Variants in NEK9 observed in about 807,000 individuals in gnomAD.
The protein encoded by NEK9 is serine/threonine-protein kinase Nek9.
A neutral mutation model predicts 123.4 loss-of-function variants in NEK9; 75 were observed. The observed-to-expected ratio is 0.61, with a 90% CI of 0.50 to 0.74. The LOEUF (loss-of-function observed/expected upper bound fraction) is 0.74. Ranked by LOEUF, NEK9 falls within the 30% of genes least tolerant of loss-of-function variation. The pLI, the probability that NEK9 is intolerant of heterozygous loss-of-function variation, is 0.00. For missense variants in NEK9, 952 were observed against 1,214.4 expected (o/e 0.78, Z 3.21); for synonymous variants, 438 against 458.7 (o/e 0.95, Z 0.58).
chr14:75,109,358 G>A (rs1009146767), intron 10 of NEK9, among the ~76,000 whole-genome samples: 3 of 152,128 alleles, frequency 2.0e-5, no homozygotes, highest in African/African-American at 7.2e-5. Flanking sequence ...TGAACCTCAT[G>A]GTAATATAAC....
rs750852873 is a variant in NEK9 at position 75,107,500 on chromosome 14, G to A, written c.1183-13C>T. The A allele has an allele frequency of 1.1e-5, 18 of 1,569,402 alleles. No individual in the cohort carries two copies. The Middle Eastern group carries it at 1.0e-3, about 90-fold the overall frequency. On this transcript the variant is annotated splice_polypyrimidine_tract_variant and intron_variant, in intron 10 of 21. Coordinates refer to ENST00000238616, the MANE Select transcript of NEK9 (RefSeq NM_033116.6). Reference sequence around the variant, plus strand: ...CTCCTTGCATGTTCTGTGAAATAAAGAGGTCTTATGACTTTTTTTTTTAAT... The same window carrying A: ...CTCCTTGCATGTTCTGTGAAATAAAAAGGTCTTATGACTTTTTTTTTTAAT...
intron 2 of NEK9, among the ~76,000 whole-genome samples, chr14:75,122,136 G>C (rs1376841964): frequency 6.6e-6 from 1 of 152,122 alleles, no homozygotes; most frequent in East Asian, 1.9e-4. Context: ...TTACACTTTA[G>C]CCCTGGGTAA....
intron 14 of NEK9, among the ~76,000 whole-genome samples, chr14:75,103,086 T>C (rs1894644765): frequency 1.3e-5 from 2 of 152,062 alleles, no homozygotes; most frequent in South Asian, 4.1e-4. Flanking sequence ...GCGATATACC[T>C]AATGTAAATG....
At position 75,109,789 on chromosome 14, in the gene NEK9, G is replaced by T. The variant is rs760861870; in HGVS notation, c.1078C>A (p.Gln360Lys). 4.3e-6 allele frequency: 7 copies of T among 1,613,994 alleles called. No homozygotes were observed. Among genetic ancestry groups the T allele is most frequent in the Non-Finnish European group, 5.9e-6 (7 of 1,179,926 alleles). ...CCACTCTTGATAACATCCAGTTTCT[G>T]GGGGGTGGATTTTCCACCACCCCAA... ...YVWGGGKSTPQKLDVIKSGCS... is the reference protein window; with the variant it reads ...YVWGGGKSTPKKLDVIKSGCS... Residue 360 changes from glutamine (Q) to lysine (K), a missense_variant, in exon 10 of 22, where the codon CAG (glutamine) becomes AAG (lysine). By Grantham distance (53) the Gln-to-Lys change is moderately conservative. Coordinates refer to ENST00000238616, the MANE Select transcript of NEK9 (RefSeq NM_033116.6).
At chr14:75,086,235 A>C (rs1174278299) in intron 21 of NEK9, among the ~76,000 whole-genome samples, 4 of 151,522 alleles carry the variant, frequency 2.6e-5, no homozygotes, top group Non-Finnish European at 5.9e-5. Context: ...AAATAATTTA[A>C]AAAAGGTGAT....
intron 10 of NEK9, among the ~76,000 whole-genome samples, chr14:75,108,464 T>C (rs1404219402): frequency 6.6e-6 from 1 of 151,852 alleles, no homozygotes; most frequent in Non-Finnish European, 1.5e-5. Context: ...TTCTATTAAA[T>C]GAGTATACTA....
chr14:75,087,215 G>A lies in NEK9; in HGVS notation c.2620C>T (p.Pro874Ser). 6.2e-7 allele frequency: 1 copy of A among 1,610,956 alleles called. No homozygotes were observed. Among genetic ancestry groups the A allele is most frequent in the South Asian group, 1.1e-5 (1 of 91,024 alleles). Residue 874 changes from proline (P) to serine (S), a missense_variant, in exon 21 of 22, where the codon CCT becomes TCT. Pro to Ser is a moderately conservative substitution (Grantham distance 74). Transcript: ENST00000238616. ...QVEASSPRLN[P>S]AVTCAGKGTP... is the part of the protein sequence containing the mutation. ...CCCTTCCCAGCACAGGTTACTGCAG[G>A]ATTCAGCCGAGGTGACTAGAGAGAC...
intron 8 of NEK9, among the ~76,000 whole-genome samples, chr14:75,112,744 G>A (rs1478490909): frequency 1.3e-5 from 2 of 152,140 alleles, no homozygotes; most frequent in African/African-American, 4.8e-5. Context: ...ATCACTTGCA[G>A]CAGAAGTTCA....
In NEK9 at chr14:75,080,529, G is replaced by A. The variant is rs1293980271; in HGVS notation, c.*4035C>T. On this transcript the variant is annotated 3_prime_UTR_variant, in exon 22 of 22. Coordinates refer to ENST00000238616, the MANE Select transcript of NEK9 (RefSeq NM_033116.6). Reference sequence around the variant, plus strand: ...TTTATCCAAGAAATGTTTAGTGCAAGTAAACATTATAAAGTTCATAAGGTT... The same window carrying A: ...TTTATCCAAGAAATGTTTAGTGCAAATAAACATTATAAAGTTCATAAGGTT... The A allele has an allele frequency of 6.6e-6, 1 of 151,880 alleles. No homozygotes were observed. Among genetic ancestry groups the A allele is most frequent in the Non-Finnish European group, 1.5e-5 (1 of 68,018 alleles). The allele number at this position is 151,880 out of a possible 1,614,324, so 9.4% of individuals were successfully genotyped here. A position where few individuals can be genotyped will look rare whatever the true frequency, so the allele number is the denominator to read the frequency against.
In NEK9 at chr14:75,086,899, C is replaced by G. The variant is rs563107088; in HGVS notation, c.2817+119G>C. On this transcript the variant is annotated intron_variant, in intron 21 of 21. Coordinates refer to ENST00000238616, the MANE Select transcript of NEK9 (RefSeq NM_033116.6). The stretch of plus-strand genomic sequence containing the variant: ...CTGGCCTGGCAACAGAGCGAGACTC[C>G]GTCTCAAAAAAAAAGTAAGGACCTG... The G allele has an allele frequency of 4.8e-6, 5 of 1,039,796 alleles. No individual in the cohort carries two copies. In the Admixed American group the frequency reaches 9.4e-5, roughly 20 times the overall value. 64.4% of individuals were successfully genotyped at this position (1,039,796 alleles called of 1,614,324 possible).
At chr14:75,112,265 A>C (rs1894981239) in intron 8 of NEK9, among the ~76,000 whole-genome samples, 1 of 152,268 alleles carries the variant, frequency 6.6e-6, no homozygotes, top group Admixed American at 6.5e-5. Flanking sequence ...GTGGAGGAAG[A>C]AGCGTAGCAA....
rs1038741694 is a variant in NEK9, at chr14:75,080,739, C to A, written c.*3825G>T. The A allele has an allele frequency of 9.9e-5, 15 of 151,484 alleles. No individual in the cohort carries two copies. The highest frequency in any genetic ancestry group is 2.2e-4 in the African/African-American group (9 of 41,196). The allele number at this position is 151,484 out of a possible 1,614,324, so 9.4% of individuals were successfully genotyped here. A position where few individuals can be genotyped will look rare whatever the true frequency, so the allele number is the denominator to read the frequency against. On this transcript the variant is annotated 3_prime_UTR_variant, in exon 22 of 22. Transcript: ENST00000238616. ...CACTGCAAGCTCCGCCTCCCGGGTT[C>A]ACGCCATTCTTCTGCCCCAGCCTCC...
intron 4 of NEK9, 67 bp downstream of exon 4, chr14:75,120,443 G>A (rs1895288709): frequency 6.8e-6 from 7 of 1,033,740 alleles, no homozygotes; most frequent in Non-Finnish European, 1.0e-5. Context: ...GTGTTGTTGG[G>A]GGGGTATCCA....
rs921289314 is a variant in NEK9 at position 75,082,584 on chromosome 14, G to T, written c.*1980C>A. On this transcript the variant is annotated 3_prime_UTR_variant, in exon 22 of 22. Coordinates refer to ENST00000238616, the MANE Select transcript of NEK9 (RefSeq NM_033116.6). ...ATGACCACAGCGTTCCACTGCTAGG[G>T]AAAGGCTCCCCTATGAACAAGACCA... The T allele has an allele frequency of 1.2e-5, 2 of 173,530 alleles. No homozygotes were observed. Among genetic ancestry groups the T allele is most frequent in the Non-Finnish European group, 2.4e-5 (2 of 82,600 alleles). 10.7% of individuals were successfully genotyped at this position (173,530 alleles called of 1,614,324 possible). A position where few individuals can be genotyped will look rare whatever the true frequency, so the allele number is the denominator to read the frequency against.
intron 21 of NEK9, chr14:75,085,050 C>T (rs888039452): frequency 2.4e-4 from 53 of 222,758 alleles, no homozygotes; most frequent in South Asian, 3.5e-4. Context: ...CTGTTGCTTA[C>T]GCCGAAGTGC....
At position 75,120,562 on chromosome 14, in the gene NEK9, A is replaced by G. The variant is rs777447198; in HGVS notation, c.472T>C (p.Phe158Leu). The G allele has an allele frequency of 6.2e-7, 1 of 1,612,872 alleles. No individual in the cohort carries two copies. The highest frequency in any genetic ancestry group is 8.5e-7 in the Non-Finnish European group (1 of 1,179,274). Residue 158 changes from phenylalanine (F) to leucine (L), a missense_variant, in exon 4 of 22, where the codon TTT becomes CTT. Around this residue, in one of 4 missense-constraint regions of NEK9, gnomAD observed 106 missense variants for 153.0 expected, o/e 0.69. Transcript: ENST00000238616. ...CAGCTCACTGCTGAAACAATCTGAA[A>G]TAGGTACCACACCACCATCTGCAGA... ...FEEEMVVWYL[F>L]QIVSAVSCIH...
intron 17 of NEK9, 184 bp downstream of exon 17, chr14:75,096,916 C>A: frequency 2.3e-6 from 1 of 430,104 alleles, no homozygotes. Flanking sequence ...TGGCAGATAG[C>A]AAAGCTCCAG....
chr14:75,114,524 A>G (rs1335206664), intron 6 of NEK9, among the ~76,000 whole-genome samples: 1 of 152,202 alleles, frequency 6.6e-6, no homozygotes, highest in East Asian at 1.9e-4. Context: ...CATACAATCT[A>G]TAACTATGTG....
rs149598234 is a variant in NEK9, at chr14:75,122,965, T to C, written c.397+1081A>G. Among the ~76,000 whole-genome samples the C allele has an allele frequency of 7.8e-4, 119 of 152,086 alleles. 1 individual carries two copies. Among genetic ancestry groups the C allele is most frequent in the African/African-American group, 2.7e-3 (112 of 41,508 alleles). On this transcript the variant is annotated intron_variant, in intron 2 of 21. Transcript: ENST00000238616. The stretch of plus-strand genomic sequence containing the variant: ...AGGTGCACACCACCCAGCTAATTTT[T>C]TGTATTTTTGGTAGTGACAGGGTTT...
Sources: allele counts gnomAD v4.1 joint callset (sites outside exome capture counted in the v4.1 genomes callset), GRCh38; gene constraint gnomAD v4.1.1; regional missense constraint gnomAD v4.1.1; transcripts MANE v1.5; gene names NCBI Gene and HGNC (gene_info 2026-07-23, HGNC 2026-07-21).